FHIT: variants seen among roughly 807,000 people sequenced by gnomAD.
The protein encoded by FHIT is bis(5'-adenosyl)-triphosphatase.
Under a neutral mutation model 17.9 loss-of-function variants are expected in FHIT, and 19 were observed. The ratio of observed to expected loss-of-function variants is 1.06; its 90% CI spans 0.74 to 1.56. The LOEUF is 1.56. Among genes scored for constraint, FHIT ranks in the 40% most tolerant of loss-of-function variants. FHIT has a pLI of 0.00. For missense variants in FHIT, 248 were observed against 189.2 expected (o/e 1.31, Z -1.82); for synonymous variants, 81 against 69.7 (o/e 1.16, Z -0.81).
chr3:60,870,543 C>G (rs149654803), intron 3 of FHIT, among the ~76,000 whole-genome samples: 1 of 152,076 alleles, frequency 6.6e-6, no homozygotes, highest in African/African-American at 2.4e-5. Context: ...CAAGGCTATC[C>G]TTATCATGAG....
intron 5 of FHIT, among the ~76,000 whole-genome samples, chr3:60,367,461 G>T (rs952452446): frequency 6.6e-6 from 1 of 152,090 alleles, no homozygotes; most frequent in African/African-American, 2.4e-5. Context: ...AAAGATGTTG[G>T]AAAGTCTAAG....
intron 3 of FHIT, among the ~76,000 whole-genome samples, chr3:60,882,218 G>A (rs1553758093): frequency 2.6e-5 from 4 of 152,012 alleles, no homozygotes; most frequent in African/African-American, 9.7e-5. Flanking sequence ...CAAGCAACAA[G>A]TTGAATCAAT....
intron 3 of FHIT, among the ~76,000 whole-genome samples, chr3:60,899,420 CT>C (rs1295019683): frequency 6.6e-6 from 1 of 152,174 alleles, no homozygotes; most frequent in Non-Finnish European, 1.5e-5. Flanking sequence ...AAAGGGACCC[CT>C]GCAACGCCTA....
chr3:60,336,843 G>A (rs1327534021), intron 5 of FHIT, among the ~76,000 whole-genome samples: 1 of 147,776 alleles, frequency 6.8e-6, no homozygotes, highest in Non-Finnish European at 1.5e-5. Context: ...CTAGAATGCA[G>A]ACTAAGACTA....
intron 5 of FHIT, among the ~76,000 whole-genome samples, chr3:60,026,366 A>G (rs79821441): frequency 0.026 from 3,903 of 152,122 alleles, 173 homozygotes; most frequent in African/African-American, 0.089. Flanking sequence ...AGCTTCCCTC[A>G]ATCCAGCAAT....
intron 5 of FHIT, among the ~76,000 whole-genome samples, chr3:60,132,479 G>A (rs1221188246): frequency 6.6e-6 from 1 of 152,162 alleles, no homozygotes; most frequent in Admixed American, 6.5e-5. Flanking sequence ...AAAGTTAATG[G>A]TATTGGCAAA....
At chr3:60,425,557 T>C (rs796987757) in intron 5 of FHIT, among the ~76,000 whole-genome samples, 2 of 152,182 alleles carry the variant, frequency 1.3e-5, no homozygotes, top group African/African-American at 4.8e-5. Context: ...AAAATGAAGA[T>C]TTTAACACAA....
chr3:60,666,079 T>A (rs534419500), intron 4 of FHIT, among the ~76,000 whole-genome samples: 5 of 152,180 alleles, frequency 3.3e-5, no homozygotes, highest in African/African-American at 1.2e-4. Flanking sequence ...TAACATTGAA[T>A]TGAGTATCAG....
intron 3 of FHIT, among the ~76,000 whole-genome samples, chr3:60,837,426 T>C (rs1702576330): frequency 6.6e-6 from 1 of 152,196 alleles, no homozygotes; most frequent in African/African-American, 2.4e-5. Context: ...CCAGCTACTC[T>C]TGTTTTCCTT....
chr3:60,259,018 T>C (rs1706159698), intron 5 of FHIT, among the ~76,000 whole-genome samples: 1 of 151,192 alleles, frequency 6.6e-6, no homozygotes, highest in South Asian at 2.1e-4. Context: ...CAAGATGCCA[T>C]ATTTTGAAGT....
intron 8 of FHIT, among the ~76,000 whole-genome samples, chr3:59,799,209 C>A (rs1421518520): frequency 6.6e-6 from 1 of 152,180 alleles, no homozygotes; most frequent in Non-Finnish European, 1.5e-5. Context: ...GTGATATTTG[C>A]AACCAATCAG....
At chr3:60,869,076 A>G (rs1410278655) in intron 3 of FHIT, among the ~76,000 whole-genome samples, 1 of 152,186 alleles carries the variant, frequency 6.6e-6, no homozygotes, top group African/African-American at 2.4e-5. Flanking sequence ...TACCTAAGGA[A>G]AGATTCTGGC....
intron 5 of FHIT, among the ~76,000 whole-genome samples, chr3:60,518,363 T>C (rs926188482): frequency 5.9e-5 from 9 of 152,200 alleles, no homozygotes; most frequent in African/African-American, 1.9e-4. Flanking sequence ...GTAATGTATA[T>C]ATATGTTTAA....
intron 1 of FHIT, among the ~76,000 whole-genome samples, chr3:61,208,675 C>T (rs2039342497): frequency 6.6e-6 from 1 of 151,832 alleles, no homozygotes; most frequent in Admixed American, 6.6e-5. Context: ...CTTGGTAGAT[C>T]TTCCTCCATC....
intron 1 of FHIT, among the ~76,000 whole-genome samples, chr3:61,242,578 G>A (rs1413046677): frequency 1.3e-5 from 2 of 152,190 alleles, no homozygotes; most frequent in African/African-American, 2.4e-5. Context: ...TATCCAGAGA[G>A]AGGAATTGCA....
chr3:60,885,039 G>T (rs1434204056), intron 3 of FHIT, among the ~76,000 whole-genome samples: 1 of 152,130 alleles, frequency 6.6e-6, no homozygotes, highest in East Asian at 1.9e-4. Context: ...TGCTACTAGA[G>T]CCTGGAAAGG....
intron 1 of FHIT, among the ~76,000 whole-genome samples, chr3:61,228,343 C>A (rs1278423643): frequency 3.9e-5 from 6 of 152,186 alleles, no homozygotes; most frequent in Admixed American, 3.9e-4. Flanking sequence ...GAACTCTGTA[C>A]AAACAAACCT....
intron 2 of FHIT, among the ~76,000 whole-genome samples, chr3:61,130,448 A>C (rs543954865): frequency 6.6e-6 from 1 of 152,264 alleles, no homozygotes; most frequent in South Asian, 2.1e-4. Context: ...ATTCCGGTAC[A>C]CCTCCTAACA....
In FHIT at chr3:60,026,043, C is replaced by T. The variant is rs944765981; in HGVS notation, c.104-11891G>A. ...AAGGGGGGGAAAGAAAAGTTCTTTCCATCTGCTTACACCTGTCTCCTAATA... is the reference window on the plus strand; with the variant it reads ...AAGGGGGGGAAAGAAAAGTTCTTTCTATCTGCTTACACCTGTCTCCTAATA... On this transcript the variant is annotated intron_variant, in intron 5 of 9. Coordinates refer to ENST00000492590, the MANE Select transcript of FHIT (RefSeq NM_002012.4). Among the ~76,000 whole-genome samples the T allele has an allele frequency of 3.6e-4, 55 of 152,106 alleles. 1 individual carries two copies. The highest frequency in any genetic ancestry group is 2.9e-3 in the Admixed American group (44 of 15,268).
Sources: gnomAD v4.1 joint callset for allele counts (sites outside exome capture counted in the v4.1 genomes callset) on GRCh38, gnomAD v4.1.1 for gene constraint, MANE v1.5 for transcripts, NCBI Gene and HGNC (gene_info 2026-07-23, HGNC 2026-07-21) for gene names.